Variants in TMC1 observed in about 807,000 individuals in gnomAD.
The protein encoded by TMC1 is transmembrane channel like 1, also known as transmembrane channel-like protein 1.
Under a neutral mutation model 105.8 loss-of-function variants are expected in TMC1, and 84 were observed. The ratio of observed to expected loss-of-function variants is 0.79; its 90% confidence interval spans 0.67 to 0.95. The LOEUF (loss-of-function observed/expected upper bound fraction) is 0.95, where lower values mean the gene tolerates loss of function less well. Among genes scored for constraint, TMC1 ranks in the 40% least tolerant of loss-of-function variants. TMC1 has a pLI of 0.00. For synonymous variants in TMC1, 315 were observed against 311.5 expected (o/e 1.01, Z -0.12); for missense variants, 817 against 914.1 (o/e 0.89, Z 1.37).
intron 1 of TMC1, among the ~76,000 whole-genome samples, chr9:72,533,771 T>C (rs1451654460): frequency 6.6e-6 from 1 of 152,286 alleles, no homozygotes; most frequent in South Asian, 2.1e-4. Flanking sequence ...CGTTTCTCTC[T>C]CTCCCTTCCT....
intron 6 of TMC1, among the ~76,000 whole-genome samples, chr9:72,689,968 A>G (rs1479145652): frequency 6.6e-6 from 1 of 152,028 alleles, no homozygotes; most frequent in Non-Finnish European, 1.5e-5. Context: ...TTATTGATAG[A>G]GCAAGACTAA....
chr9:72,836,832 G>A lies in TMC1; in HGVS notation c.*859G>A, dbSNP rs996961856. On this transcript the variant is annotated 3_prime_UTR_variant, in exon 24 of 24. Transcript: ENST00000297784. ...AACTCGATACAATTCTTGCCTCCTT[G>A]GAGGGAAGAATTCAGCTGAGGGGCA... 6 of 152,156 alleles carry A rather than the reference G, an allele frequency of 3.9e-5. No homozygotes were observed. Among genetic ancestry groups the A allele is most frequent in the African/African-American group, 1.2e-4 (5 of 41,430 alleles). The allele number at this position is 152,156 out of a possible 1,614,324, so 9.4% of individuals were successfully genotyped here.
At chr9:72,605,279 C>T (rs1181069875) in intron 2 of TMC1, among the ~76,000 whole-genome samples, 1 of 152,148 alleles carries the variant, frequency 6.6e-6, no homozygotes, top group Non-Finnish European at 1.5e-5. Context: ...TTTATTATTT[C>T]ATAAATTTCT....
At chr9:72,667,578 C>G (rs1364391138) in intron 5 of TMC1, among the ~76,000 whole-genome samples, 2 of 152,180 alleles carry the variant, frequency 1.3e-5, no homozygotes, top group Non-Finnish European at 2.9e-5. Flanking sequence ...AAATACAATT[C>G]ACCATTTTTA....
intron 8 of TMC1, among the ~76,000 whole-genome samples, chr9:72,719,833 A>G (rs1826991825): frequency 6.6e-6 from 1 of 152,204 alleles, no homozygotes; most frequent in African/African-American, 2.4e-5. Context: ...TTTCATCTGC[A>G]GAATGGAGAG....
chr9:72,666,359 G>A (rs1826042252), intron 5 of TMC1, among the ~76,000 whole-genome samples: 1 of 152,124 alleles, frequency 6.6e-6, no homozygotes, highest in Non-Finnish European at 1.5e-5. Flanking sequence ...GGACACTGGG[G>A]GAGCACTCTA....
chr9:72,592,575 C>T (rs1824656325), intron 2 of TMC1, among the ~76,000 whole-genome samples: 1 of 152,128 alleles, frequency 6.6e-6, no homozygotes, highest in Non-Finnish European at 1.5e-5. Flanking sequence ...CAGGCTTGGT[C>T]ATGTGTGGCA....
intron 1 of TMC1, among the ~76,000 whole-genome samples, chr9:72,529,303 C>T (rs996654285): frequency 6.6e-6 from 1 of 152,044 alleles, no homozygotes; most frequent in Non-Finnish European, 1.5e-5. Flanking sequence ...TATGCTTATT[C>T]AAGCCCGGTG....
chr9:72,698,170 C>A (rs1353224437), intron 7 of TMC1, among the ~76,000 whole-genome samples: 2 of 152,120 alleles, frequency 1.3e-5, no homozygotes, highest in Non-Finnish European at 2.9e-5. Context: ...AACCCAATGG[C>A]TATCAGAGAT....
chr9:72,808,953 C>T (rs764224425), intron 18 of TMC1: 1 of 152,268 alleles, frequency 6.6e-6, no homozygotes. Flanking sequence ...AGTGCCTCCT[C>T]GGACTGGCCA....
chr9:72,816,008 C>G, intron 18 of TMC1, 135 bp from the exon 19 acceptor site: 1 of 758,084 alleles, frequency 1.3e-6, no homozygotes, highest in South Asian at 1.4e-5. Context: ...TATCTGGTTA[C>G]TTATCCTAGT....
intron 5 of TMC1, among the ~76,000 whole-genome samples, chr9:72,673,074 C>T (rs1826148285): frequency 6.6e-6 from 1 of 152,100 alleles, no homozygotes; most frequent in Non-Finnish European, 1.5e-5. Context: ...TCTGGCAAAT[C>T]CCCAAATATT....
intron 4 of TMC1, among the ~76,000 whole-genome samples, chr9:72,632,876 T>C (rs1825473957): frequency 6.6e-6 from 1 of 152,160 alleles, no homozygotes; most frequent in Non-Finnish European, 1.5e-5. Flanking sequence ...CTTGGAAACA[T>C]ATCTGCATGC....
intron 1 of TMC1, among the ~76,000 whole-genome samples, chr9:72,554,872 G>A (rs1211552206): frequency 6.6e-6 from 1 of 151,924 alleles, no homozygotes; most frequent in Admixed American, 6.6e-5. Flanking sequence ...TTTGAATTCT[G>A]AAATTATTAT....
intron 8 of TMC1, among the ~76,000 whole-genome samples, chr9:72,729,175 A>G (rs1484596124): frequency 6.6e-6 from 1 of 152,198 alleles, no homozygotes; most frequent in East Asian, 1.9e-4. Context: ...GCTTTAACAC[A>G]TCTTCATGAG....
rs1480474842 is a variant in TMC1, at chr9:72,805,448, C to G, written c.1633C>G (p.Leu545Val). The change falls in exon 18 of 24, where the codon CTA (leucine) becomes GTA (valine). Residue 545 changes from leucine to valine, a missense_variant. Coordinates refer to ENST00000297784, the MANE Select transcript of TMC1 (RefSeq NM_138691.3). ...TYVTILIGDF[L>V]RACFVRFCNY... ...CGTCACAATCCTCATTGGGGACTTT[C>G]TAAGGGCATGTTTTGTGAGGTTTTG... 1 of 1,613,420 alleles carries G rather than the reference C, an allele frequency of 6.2e-7. No individual in the cohort carries two copies. Among genetic ancestry groups the G allele is most frequent in the East Asian group, 2.2e-5 (1 of 44,854 alleles).
chr9:72,780,607 C>T (rs940821712), intron 13 of TMC1, among the ~76,000 whole-genome samples: 4 of 151,692 alleles, frequency 2.6e-5, no homozygotes, highest in African/African-American at 9.7e-5. Flanking sequence ...TCTATCAAGC[C>T]ATAAAGAAAT....
In TMC1 at chr9:72,742,492, G is replaced by C; in HGVS notation, c.502G>C (p.Val168Leu). The C allele has an allele frequency of 6.2e-7, 1 of 1,614,120 alleles. No homozygotes were observed. Among genetic ancestry groups the C allele is most frequent in the Non-Finnish European group, 8.5e-7 (1 of 1,179,990 alleles). Residue 168 changes from valine to leucine, a missense_variant, in exon 10 of 24, where the codon GTC becomes CTC. Transcript: ENST00000297784. ...TTTTGAGAACTTCAAAGCTGCGTGTGTCCCATGGGAAAATAAAATCAAGGC... is the reference window on the plus strand; with the variant it reads ...TTTTGAGAACTTCAAAGCTGCGTGTCTCCCATGGGAAAATAAAATCAAGGC... Reference protein sequence around the residue: ...RDFENFKAACVPWENKIKAIE... With the variant: ...RDFENFKAACLPWENKIKAIE...
chr9:72,616,515 G>T (rs1825133078), intron 3 of TMC1, 38 bp downstream of exon 3: 1 of 151,540 alleles, frequency 6.6e-6, no homozygotes, highest in Non-Finnish European at 1.5e-5. Flanking sequence ...ATACATATAT[G>T]TAATGTTCAG....
Sources: gnomAD v4.1 joint callset for allele counts (sites outside exome capture counted in the v4.1 genomes callset) on GRCh38, gnomAD v4.1.1 for gene constraint, MANE v1.5 for transcripts, NCBI Gene and HGNC (gene_info 2026-07-23, HGNC 2026-07-21) for gene names.